PDE10A: variants seen among roughly 807,000 people sequenced by gnomAD.
PDE10A encodes the protein phosphodiesterase 10A.
Under a neutral mutation model 97.7 loss-of-function variants are expected in PDE10A, and 39 were observed. The ratio of observed to expected loss-of-function variants is 0.40; its 90% CI spans 0.31 to 0.52. The LOEUF (loss-of-function observed/expected upper bound fraction) is 0.52. PDE10A is among the 20% of genes least tolerant of loss of function. The pLI, the probability that PDE10A is intolerant of heterozygous loss-of-function variation, is 0.56. For synonymous variants in PDE10A, 371 were observed against 376.8 expected (o/e 0.98, Z 0.18); for missense variants, 731 against 1,047.8 (o/e 0.70, Z 4.17).
chr6:165,533,559 T>C (rs1782907904), intron 2 of PDE10A, among the ~76,000 whole-genome samples: 1 of 152,198 alleles, frequency 6.6e-6, no homozygotes, highest in African/African-American at 2.4e-5. Flanking sequence ...TCTCCAATTA[T>C]ACATTCATAG....
intron 1 of PDE10A, among the ~76,000 whole-genome samples, chr6:165,863,666 T>A (rs544354870): frequency 2.0e-5 from 3 of 152,344 alleles, no homozygotes; most frequent in Non-Finnish European, 4.4e-5. Context: ...GTATGGGAGT[T>A]AGTCATACAA....
intron 1 of PDE10A, among the ~76,000 whole-genome samples, chr6:165,740,928 C>A (rs993196823): frequency 2.0e-5 from 3 of 152,004 alleles, no homozygotes; most frequent in Admixed American, 6.6e-5. Context: ...GTCATGTTGG[C>A]TGAATTTTTG....
chr6:165,839,138 T>C (rs1188538311), intron 1 of PDE10A, among the ~76,000 whole-genome samples: 4 of 152,230 alleles, frequency 2.6e-5, no homozygotes, highest in Non-Finnish European at 5.9e-5. Flanking sequence ...ATCACTAACT[T>C]ACTAATGTGA....
rs772903119 is a variant in PDE10A, at chr6:165,327,656, TAA to T, written c.*5367_*5368del. 1 of 152,224 alleles carries T rather than the reference TAA, an allele frequency of 6.6e-6. No homozygotes were observed. The highest frequency in any genetic ancestry group is 2.4e-5 in the African/African-American group (1 of 41,470). The allele number at this position is 152,224 out of a possible 1,614,324, so 9.4% of individuals were successfully genotyped here. Reference sequence around the variant, plus strand: ...TATTTATAATTTATAAATGCAAAGTTAAGACCTCTTTAAATTATTGCACTTGC... The same window carrying T: ...TATTTATAATTTATAAATGCAAAGTTGACCTCTTTAAATTATTGCACTTGC... On this transcript the variant is annotated 3_prime_UTR_variant, in exon 22 of 22. Coordinates refer to ENST00000539869, the MANE Select transcript of PDE10A (RefSeq NM_001385079.1).
At chr6:165,467,006 C>G (rs542598748) in intron 3 of PDE10A, among the ~76,000 whole-genome samples, 44 of 152,152 alleles carry the variant, frequency 2.9e-4, no homozygotes, top group African/African-American at 1.1e-3. Flanking sequence ...GAAGAAACAG[C>G]CTTATTGCTA....
At chr6:165,656,691 C>T (rs1034834326) in intron 1 of PDE10A, among the ~76,000 whole-genome samples, 4 of 152,230 alleles carry the variant, frequency 2.6e-5, no homozygotes, top group African/African-American at 9.6e-5. Flanking sequence ...CAGAAGATCC[C>T]TTTCCCTTGG....
chr6:165,967,456 C>T (rs1444045583), intron 1 of PDE10A, among the ~76,000 whole-genome samples: 2 of 152,212 alleles, frequency 1.3e-5, no homozygotes, highest in African/African-American at 4.8e-5. Context: ...AAGACTGTGC[C>T]ACTGCACTCC....
At chr6:165,588,895 T>C (rs1786084938) in intron 1 of PDE10A, among the ~76,000 whole-genome samples, 1 of 152,202 alleles carries the variant, frequency 6.6e-6, no homozygotes, top group African/African-American at 2.4e-5. Flanking sequence ...GACTCTAGCA[T>C]AGCCCTAACA....
At chr6:165,483,904 A>G (rs9457093) in intron 2 of PDE10A, among the ~76,000 whole-genome samples, 13,409 of 152,256 alleles carry the variant, frequency 0.088, 750 homozygotes, top group East Asian at 0.25. Context: ...GAGTGTGCAT[A>G]AGATAGCCTG....
At chr6:165,802,756 G>T (rs892682198) in intron 1 of PDE10A, among the ~76,000 whole-genome samples, 3 of 152,076 alleles carry the variant, frequency 2.0e-5, no homozygotes, top group African/African-American at 7.2e-5. Flanking sequence ...TCAAAAGCAT[G>T]GTTCGATATG....
intron 1 of PDE10A, among the ~76,000 whole-genome samples, chr6:165,921,625 G>A (rs961318029): frequency 2.0e-5 from 3 of 152,162 alleles, no homozygotes; most frequent in African/African-American, 7.2e-5. Context: ...GATCAAAAGG[G>A]GTGAGGCAGT....
chr6:165,433,004 GC>G lies in PDE10A; in HGVS notation c.1460del (p.Gly487AlafsTer22). 1.9e-6 allele frequency: 3 copies of G among 1,613,796 alleles called. No individual in the cohort carries two copies. The highest frequency in any genetic ancestry group is 2.5e-6 in the Non-Finnish European group (3 of 1,179,868). On this transcript the variant is annotated frameshift_variant, in exon 7 of 22. Transcript: ENST00000539869. LOFTEE classifies it high-confidence loss of function. The stretch of plus-strand genomic sequence containing the variant: ...GGTGACTAAGACAGAAGGCTTCTTT[GC>G]CCCAGTGCCGATACAGCTCGAGAAT... ...IGILELYRHW[G>X]KEAFCLSHQE...
chr6:165,373,599 A>G (rs1224500580), intron 18 of PDE10A, among the ~76,000 whole-genome samples: 11 of 152,160 alleles, frequency 7.2e-5, no homozygotes, highest in African/African-American at 1.2e-4. Context: ...TGGAGAGGAT[A>G]TGGAGAAATA....
chr6:165,825,300 C>T (rs1472098199), intron 1 of PDE10A, among the ~76,000 whole-genome samples: 1 of 152,074 alleles, frequency 6.6e-6, no homozygotes, highest in Non-Finnish European at 1.5e-5. Context: ...GAAGCCGAGG[C>T]CTGTGGTGGC....
chr6:165,787,425 C>G (rs1433487108), intron 1 of PDE10A, among the ~76,000 whole-genome samples: 1 of 152,116 alleles, frequency 6.6e-6, no homozygotes, highest in African/African-American at 2.4e-5. Context: ...AAACTGCACC[C>G]AAATTACTGA....
intron 1 of PDE10A, among the ~76,000 whole-genome samples, chr6:165,738,273 T>A (rs1441931537): frequency 6.6e-6 from 1 of 151,490 alleles, no homozygotes; most frequent in Non-Finnish European, 1.5e-5. Flanking sequence ...TTTGGTTTTT[T>A]GTTCTTGCAA....
chr6:165,701,458 T>G (rs1347096559), intron 1 of PDE10A, among the ~76,000 whole-genome samples: 2 of 152,210 alleles, frequency 1.3e-5, no homozygotes, highest in East Asian at 3.8e-4. Context: ...CAACAACTGT[T>G]TTATTGAATT....
chr6:165,935,473 T>C (rs1221493600), intron 1 of PDE10A, among the ~76,000 whole-genome samples: 2 of 152,156 alleles, frequency 1.3e-5, no homozygotes, highest in Non-Finnish European at 2.9e-5. Context: ...TTCAAAAACA[T>C]TTTGAAAGTA....
At chr6:165,795,425 G>T (rs1778802341) in intron 1 of PDE10A, among the ~76,000 whole-genome samples, 1 of 152,084 alleles carries the variant, frequency 6.6e-6, no homozygotes, top group Non-Finnish European at 1.5e-5. Context: ...ACCTGTGACT[G>T]GCATAAAAAT....
Sources: gnomAD v4.1 joint callset for allele counts (sites outside exome capture counted in the v4.1 genomes callset) on GRCh38, gnomAD v4.1.1 for gene constraint, MANE v1.5 for transcripts, NCBI Gene and HGNC (gene_info 2026-07-23, HGNC 2026-07-21) for gene names.